The following TAFA4 variants were observed in gnomAD, a reference collection of about 807,000 sequenced individuals.
TAFA4 encodes the protein TAFA chemokine like family member 4, also known as chemokine-like protein TAFA-4.
Under a neutral mutation model 21.1 loss-of-function variants are expected in TAFA4, and 20 were observed. That is an observed-to-expected ratio of 0.95 (90% confidence interval 0.67 to 1.38). The LOEUF (loss-of-function observed/expected upper bound fraction) is 1.38. TAFA4 is among the 40% of genes most tolerant of loss of function. The probability of loss-of-function intolerance (pLI) is 0.00; values close to 1 mark genes in which losing one functional copy is unlikely to be tolerated. For missense variants in TAFA4, 211 were observed against 180.9 expected (o/e 1.17, Z -0.95); for synonymous variants, 71 against 67.4 (o/e 1.05, Z -0.26).
chr3:68,770,711 A>G (rs1702939252), intron 3 of TAFA4, among the ~76,000 whole-genome samples: 2 of 152,060 alleles, frequency 1.3e-5, no homozygotes, highest in Admixed American at 1.3e-4. Context: ...ACCTTCTCCC[A>G]CTTTATAAAG....
intron 3 of TAFA4, among the ~76,000 whole-genome samples, chr3:68,846,047 T>A (rs1214832573): frequency 6.6e-6 from 1 of 152,174 alleles, no homozygotes; most frequent in African/African-American, 2.4e-5. Context: ...ATTTCCTGAA[T>A]TTGAATGTGG....
intron 3 of TAFA4, among the ~76,000 whole-genome samples, chr3:68,859,154 C>T (rs2106920382): frequency 6.6e-6 from 1 of 152,192 alleles, no homozygotes; most frequent in East Asian, 1.9e-4. Context: ...AGTTATTAAA[C>T]ATAATCTGAG....
rs1702172924 is a variant in TAFA4, at chr3:68,732,829, G to A, written c.*313C>T. Reference sequence around the variant, plus strand: ...TAAAAGCAGAAAGAAAGTGAAGAATGAACATGCCCTTAGTGGTGATCCATT... The same window carrying A: ...TAAAAGCAGAAAGAAAGTGAAGAATAAACATGCCCTTAGTGGTGATCCATT... On this transcript the variant is annotated 3_prime_UTR_variant, in exon 6 of 6. Coordinates refer to ENST00000295569, the MANE Select transcript of TAFA4 (RefSeq NM_182522.5). The A allele has an allele frequency of 2.9e-6, 1 of 342,356 alleles. No homozygotes were observed. Among genetic ancestry groups the A allele is most frequent in the South Asian group, 1.0e-4 (1 of 9,552 alleles). 21.2% of individuals were successfully genotyped at this position (342,356 alleles called of 1,614,324 possible).
chr3:68,924,435 CAGAG>C (rs2090088361), intron 1 of TAFA4, among the ~76,000 whole-genome samples: 1 of 152,076 alleles, frequency 6.6e-6, no homozygotes, highest in Non-Finnish European at 1.5e-5. Context: ...GAGTGAAACT[CAGAG>C]AGACAGGAAG....
intron 3 of TAFA4, among the ~76,000 whole-genome samples, chr3:68,849,638 C>T (rs1704895316): frequency 6.6e-6 from 1 of 152,212 alleles, no homozygotes; most frequent in Non-Finnish European, 1.5e-5. Flanking sequence ...TGGAGAACCA[C>T]CACCTAACCA....
chr3:68,923,178 T>C (rs558439386), intron 1 of TAFA4, among the ~76,000 whole-genome samples: 1 of 152,294 alleles, frequency 6.6e-6, no homozygotes, highest in South Asian at 2.1e-4. Flanking sequence ...TTCAAGTATA[T>C]TTAAATGTCT....
At chr3:68,827,094 T>A (rs1237344064) in intron 3 of TAFA4, among the ~76,000 whole-genome samples, 1 of 150,044 alleles carries the variant, frequency 6.7e-6, no homozygotes, top group Admixed American at 6.7e-5. Flanking sequence ...GTCCATGTGT[T>A]CTCATTATTC....
At chr3:68,877,532 G>T (rs1027103095) in intron 3 of TAFA4, among the ~76,000 whole-genome samples, 1 of 152,058 alleles carries the variant, frequency 6.6e-6, no homozygotes, top group Non-Finnish European at 1.5e-5. Flanking sequence ...CCCAATCAGT[G>T]ATACATCCTC....
intron 3 of TAFA4, among the ~76,000 whole-genome samples, chr3:68,822,795 T>C (rs1704142358): frequency 6.6e-6 from 1 of 152,328 alleles, no homozygotes; most frequent in African/African-American, 2.4e-5. Flanking sequence ...TCATGCCATT[T>C]CTTTCATTGT....
intron 3 of TAFA4, among the ~76,000 whole-genome samples, chr3:68,828,218 T>C (rs964533579): frequency 6.6e-6 from 1 of 152,198 alleles, no homozygotes; most frequent in East Asian, 1.9e-4. Context: ...AGGCCTCTGT[T>C]CTGTTCCATT....
chr3:68,843,003 G>C (rs1291666089), intron 3 of TAFA4, among the ~76,000 whole-genome samples: 1 of 152,172 alleles, frequency 6.6e-6, no homozygotes, highest in African/African-American at 2.4e-5. Context: ...ACTTAGGATT[G>C]TCTTGGCTAT....
chr3:68,862,745 T>C lies in TAFA4; in HGVS notation c.130+17985A>G, dbSNP rs2089363027. Among the ~76,000 whole-genome samples, 3 of 151,952 alleles carry C rather than the reference T, an allele frequency of 2.0e-5. No individual in the cohort carries two copies. In the South Asian group the frequency reaches 6.2e-4, roughly 31 times the overall value. ...CCCCTTGGGCTGGTACCGTCTGAGATGTCTGGAAACTGACATCTATCTCAG... is the reference window on the plus strand; with the variant it reads ...CCCCTTGGGCTGGTACCGTCTGAGACGTCTGGAAACTGACATCTATCTCAG... On this transcript the variant is annotated intron_variant, in intron 3 of 5. Transcript: ENST00000295569.
At chr3:68,844,264 G>A (rs1387414540) in intron 3 of TAFA4, among the ~76,000 whole-genome samples, 3 of 152,076 alleles carry the variant, frequency 2.0e-5, no homozygotes, top group Non-Finnish European at 4.4e-5. Context: ...ATGTGTCCAG[G>A]AATTTATCCA....
intron 4 of TAFA4, 73 bp downstream of exon 4, chr3:68,752,790 A>T: frequency 6.3e-7 from 1 of 1,597,624 alleles, no homozygotes; most frequent in African/African-American, 1.3e-5. Context: ...TTGCAAAGAC[A>T]GTAAAGTAGG....
chr3:68,860,634 T>A (rs1459169151), intron 3 of TAFA4, among the ~76,000 whole-genome samples: 1 of 152,144 alleles, frequency 6.6e-6, no homozygotes, highest in East Asian at 1.9e-4. Context: ...ATGGAAAACC[T>A]CTTATATGTA....
intron 3 of TAFA4, among the ~76,000 whole-genome samples, chr3:68,835,885 T>C (rs966891373): frequency 3.3e-5 from 5 of 152,262 alleles, no homozygotes; most frequent in African/African-American, 1.2e-4. Context: ...GCTGCCATTT[T>C]ACTTGTCATC....
At chr3:68,804,341 G>A (rs934251971) in intron 3 of TAFA4, among the ~76,000 whole-genome samples, 4 of 152,058 alleles carry the variant, frequency 2.6e-5, no homozygotes, top group African/African-American at 2.4e-5. Context: ...TCATGGGCAG[G>A]AAAAATCAAC....
chr3:68,757,820 T>G (rs377474495), intron 3 of TAFA4, among the ~76,000 whole-genome samples: 28 of 152,336 alleles, frequency 1.8e-4, no homozygotes, highest in African/African-American at 6.0e-4. Context: ...CTTACAATTA[T>G]AATTGACACT....
intron 5 of TAFA4, 123 bp downstream of exon 5, chr3:68,738,952 A>T (rs1702293339): frequency 1.5e-6 from 2 of 1,376,080 alleles, no homozygotes; most frequent in South Asian, 2.9e-5. Flanking sequence ...TCCGTAAGGT[A>T]GCACTGCCCA....
Sources: gnomAD v4.1 joint callset for allele counts (sites outside exome capture counted in the v4.1 genomes callset) on GRCh38, gnomAD v4.1.1 for gene constraint, MANE v1.5 for transcripts, NCBI Gene and HGNC (gene_info 2026-07-23, HGNC 2026-07-21) for gene names.